Variants in MYOM2 observed in about 807,000 individuals in gnomAD.
MYOM2 encodes myomesin 2, also known as myomesin-2.
Under a neutral mutation model 187.6 loss-of-function variants are expected in MYOM2, and 254 were observed. The observed-to-expected ratio is 1.35, with a 90% CI of 1.22 to 1.50. The LOEUF is 1.50. MYOM2 is among the 40% of genes most tolerant of loss of function. The probability of loss-of-function intolerance (pLI) is 0.00; values close to 1 mark genes in which losing one functional copy is unlikely to be tolerated. For synonymous variants in MYOM2, 981 were observed against 753.8 expected, an observed-to-expected ratio of 1.30 and a Z score of -4.94; for missense variants, 2,796 against 1,924.0, an observed-to-expected ratio of 1.45 and a Z score of -8.48.
At chr8:2,060,388 A>G (rs1234691501) in intron 6 of MYOM2, among the ~76,000 whole-genome samples, 1 of 152,186 alleles carries the variant, frequency 6.6e-6, no homozygotes, top group African/African-American at 2.4e-5. Context: ...TGAGACTCCA[A>G]TAAGAAGATG....
chr8:2,092,981 G>C (rs1041899719), intron 16 of MYOM2, among the ~76,000 whole-genome samples: 1 of 152,156 alleles, frequency 6.6e-6, no homozygotes, highest in Non-Finnish European at 1.5e-5. Flanking sequence ...CAGCCTCGGG[G>C]GATGCTGGTT....
rs377200104 is a variant in MYOM2 at position 2,143,403 on chromosome 8, C to T, written c.4027C>T (p.Arg1343Cys). ...FKAAAFAEKN[R>C]GRLIGGLPDV... ...ACCAAGGTGCTTTCCCGTTGCAGAT[C>T]GTGGCAGGTTGATCGGCGGCTTGCC... Residue 1343 changes from arginine (R) to cysteine (C), a missense_variant and splice_region_variant, in exon 36 of 37, where the codon CGT (arginine) becomes TGT (cysteine). By Grantham distance (180) the Arg-to-Cys change is radical (BLOSUM62 -3). Coordinates refer to ENST00000262113, the MANE Select transcript of MYOM2 (RefSeq NM_003970.4). 148 of 1,614,008 alleles carry T rather than the reference C, an allele frequency of 9.2e-5. No homozygotes were observed. Among genetic ancestry groups the T allele is most frequent in the Admixed American group, 8.3e-5 (5 of 59,998 alleles).
Position 2,129,232 on chromosome 8 carries a change from A to T in MYOM2, c.3800A>T (p.Lys1267Ile), listed in dbSNP as rs143616905. 3 of 1,602,290 alleles carry T rather than the reference A, an allele frequency of 1.9e-6. No individual in the cohort carries two copies. In the African/African-American group the frequency reaches 4.0e-5, roughly 21 times the overall value. The change falls in exon 32 of 37, where the codon AAA (lysine) becomes ATA (isoleucine). Residue 1267 changes from lysine (K) to isoleucine (I), a missense_variant and splice_region_variant. Coordinates refer to ENST00000262113, the MANE Select transcript of MYOM2 (RefSeq NM_003970.4). ...TDEMKVNWCH[K>I]DAKISSSEHM... ...GAAATGAAAGTGAACTGGTGTCACA[A>T]GTAAGTATGACAGCAGCCGATGGAG...
At chr8:2,073,526 G>T (rs772638260) in intron 10 of MYOM2, 26 bp downstream of exon 10, 7 of 1,544,620 alleles carry the variant, frequency 4.5e-6, no homozygotes, top group Non-Finnish European at 6.0e-6. Context: ...TTCTCAGGGT[G>T]CAGACCTTGT....
intron 33 of MYOM2, 72 bp downstream of exon 33, chr8:2,140,958 T>A: frequency 4.1e-6 from 6 of 1,468,544 alleles, no homozygotes; most frequent in Non-Finnish European, 5.5e-6. Context: ...AGGGAGGGAA[T>A]ACAATATGAA....
At chr8:2,126,671 G>A (rs546666230) in intron 31 of MYOM2, among the ~76,000 whole-genome samples, 6 of 150,878 alleles carry the variant, frequency 4.0e-5, no homozygotes, top group Non-Finnish European at 7.4e-5. Flanking sequence ...GAGGCTGATG[G>A]AGGCTGGGGG....
At chr8:2,110,596 C>CT (rs1252325017) in intron 25 of MYOM2, among the ~76,000 whole-genome samples, 1 of 152,290 alleles carries the variant, frequency 6.6e-6, no homozygotes, top group African/African-American at 2.4e-5. Context: ...TTTACTGCTT[C>CT]TGCCTTTTTC....
Position 2,117,961 on chromosome 8 carries a change from C to G in MYOM2, c.3453+9C>G, listed in dbSNP as rs564479227. 76 of 1,610,852 alleles carry G rather than the reference C, an allele frequency of 4.7e-5. No homozygotes were observed. Among genetic ancestry groups the G allele is most frequent in the Non-Finnish European group, 5.7e-5 (67 of 1,178,080 alleles). Reference sequence around the variant, plus strand: ...TTCGACTTGTTTGCAAGGTGAGAAACCCGGTTCTAACAGGAAAACAATAAA... The same window carrying G: ...TTCGACTTGTTTGCAAGGTGAGAAAGCCGGTTCTAACAGGAAAACAATAAA... On this transcript the variant is annotated intron_variant, in intron 28 of 36. Coordinates refer to ENST00000262113, the MANE Select transcript of MYOM2 (RefSeq NM_003970.4).
chr8:2,122,563 T>C (rs373402720), intron 28 of MYOM2, among the ~76,000 whole-genome samples: 1 of 152,266 alleles, frequency 6.6e-6, no homozygotes, highest in Non-Finnish European at 1.5e-5. Context: ...AACATCACTC[T>C]TCTTGAATTC....
intron 32 of MYOM2, among the ~76,000 whole-genome samples, chr8:2,131,745 G>A (rs1172880498): frequency 1.3e-5 from 2 of 148,452 alleles, no homozygotes; most frequent in African/African-American, 5.0e-5. Context: ...CCAGGTTCAC[G>A]CCATTCTCCT....
chr8:2,122,702 T>C (rs1021829625), intron 28 of MYOM2, among the ~76,000 whole-genome samples: 1 of 152,218 alleles, frequency 6.6e-6, no homozygotes, highest in Non-Finnish European at 1.5e-5. Context: ...GGAATGCTCA[T>C]TTATCTTCGG....
intron 21 of MYOM2, among the ~76,000 whole-genome samples, chr8:2,105,416 G>T (rs1169240269): frequency 6.6e-6 from 1 of 152,158 alleles, no homozygotes; most frequent in East Asian, 1.9e-4. Flanking sequence ...CACACGGCCA[G>T]ATGTTCACCT....
chr8:2,100,545 C>T (rs934549077), intron 19 of MYOM2: 4 of 287,700 alleles, frequency 1.4e-5, no homozygotes, highest in East Asian at 7.0e-5. Flanking sequence ...TGTCCAGCCC[C>T]GTGGAGGGTA....
intron 6 of MYOM2, among the ~76,000 whole-genome samples, chr8:2,067,085 G>T (rs1819043334): frequency 6.6e-6 from 1 of 152,310 alleles, no homozygotes; most frequent in Middle Eastern, 3.4e-3. Flanking sequence ...AACTTCAGCA[G>T]GAGGGGAAAG....
intron 31 of MYOM2, 64 bp downstream of exon 31, chr8:2,124,281 G>C (rs1392585963): frequency 5.3e-5 from 79 of 1,492,894 alleles, no homozygotes; most frequent in Non-Finnish European, 7.3e-5. Context: ...TCCTGACACG[G>C]GAAGTCACTG....
intron 25 of MYOM2, among the ~76,000 whole-genome samples, chr8:2,112,910 C>G (rs1406804046): frequency 6.6e-6 from 1 of 152,218 alleles, no homozygotes; most frequent in Non-Finnish European, 1.5e-5. Flanking sequence ...ACGGAGTCTT[C>G]TCCCGCTACG....
intron 31 of MYOM2, among the ~76,000 whole-genome samples, chr8:2,127,341 C>T (rs1224070675): frequency 6.6e-6 from 1 of 151,158 alleles, no homozygotes; most frequent in East Asian, 2.0e-4. Context: ...TGCAGCCGGC[C>T]CAGATGCAGG....
rs769494870 is a variant in MYOM2 at position 2,096,435 on chromosome 8, G to C, written c.2313+1G>C. The C allele has an allele frequency of 1.1e-5, 17 of 1,613,532 alleles. No individual in the cohort carries two copies. Among genetic ancestry groups the C allele is most frequent in the Non-Finnish European group, 3.4e-6 (4 of 1,179,848 alleles). ...ACCCAGCAAACCGACAATCCTAACGGTCAGTTGGTTTTTATTCCTTCGTCT... is the reference window on the plus strand; with the variant it reads ...ACCCAGCAAACCGACAATCCTAACGCTCAGTTGGTTTTTATTCCTTCGTCT... On this transcript the variant is annotated splice_donor_variant, in intron 18 of 36. Transcript: ENST00000262113. LOFTEE classifies it high-confidence loss of function.
chr8:2,067,852 C>T (rs1384252880), intron 6 of MYOM2, among the ~76,000 whole-genome samples: 6 of 152,042 alleles, frequency 3.9e-5, no homozygotes, highest in Non-Finnish European at 8.8e-5. Flanking sequence ...TGATTCATGT[C>T]TTGGGATCAT....
Sources: allele counts gnomAD v4.1 joint callset (sites outside exome capture counted in the v4.1 genomes callset), GRCh38; gene constraint gnomAD v4.1.1; transcripts MANE v1.5; gene names NCBI Gene and HGNC (gene_info 2026-07-23, HGNC 2026-07-21).